Variants in AGBL4 observed in about 807,000 individuals in gnomAD.
The protein encoded by AGBL4 is cytosolic carboxypeptidase 6.
A neutral mutation model predicts 66.4 loss-of-function variants in AGBL4; 58 were observed. The ratio of observed to expected loss-of-function variants is 0.87; its 90% confidence interval spans 0.71 to 1.09. AGBL4 has a LOEUF of 1.09. AGBL4 is among the 50% of genes least tolerant of loss of function. The pLI, the probability that AGBL4 is intolerant of heterozygous loss-of-function variation, is 0.00. For synonymous variants in AGBL4, 234 were observed against 222.9 expected, an observed-to-expected ratio of 1.05 and a Z score of -0.44; for missense variants, 579 against 631.0, an observed-to-expected ratio of 0.92 and a Z score of 0.88.
At position 48,852,015 on chromosome 1, in the gene AGBL4, CTTTTTT is replaced by C. The variant is rs138826187; in HGVS notation, c.634+15170_634+15175del. On this transcript the variant is annotated intron_variant, in intron 6 of 13. Coordinates refer to ENST00000371839, the MANE Select transcript of AGBL4 (RefSeq NM_032785.4). Reference sequence around the variant, plus strand: ...GGTTCTGGTATGTGCCAGATACGTACTTTTTTTTTTTTTTTTTTTTTTTTCAGATAC... The same window carrying C: ...GGTTCTGGTATGTGCCAGATACGTACTTTTTTTTTTTTTTTTTTCAGATAC... Among the ~76,000 whole-genome samples the C allele has an allele frequency of 3.8e-3, 271 of 71,938 alleles. 3 individuals are homozygous for C. The highest frequency in any genetic ancestry group is 8.6e-3 in the African/African-American group (171 of 19,840). 47.2% of individuals were successfully genotyped at this position (71,938 alleles called of 152,430 possible).
chr1:49,571,594 A>C (rs1644332493), intron 3 of AGBL4, among the ~76,000 whole-genome samples: 1 of 151,926 alleles, frequency 6.6e-6, no homozygotes, highest in South Asian at 2.1e-4. Context: ...CCCTGGGAGG[A>C]CTTTCAGAAG....
At chr1:49,242,590 A>G (rs972128857) in intron 4 of AGBL4, among the ~76,000 whole-genome samples, 1 of 152,006 alleles carries the variant, frequency 6.6e-6, no homozygotes, top group African/African-American at 2.4e-5. Flanking sequence ...ACGGTTAAGA[A>G]ATATTAATGA....
intron 1 of AGBL4, among the ~76,000 whole-genome samples, chr1:49,870,546 G>A (rs989004732): frequency 1.3e-5 from 2 of 148,872 alleles, no homozygotes; most frequent in East Asian, 2.0e-4. Flanking sequence ...AACATCTCGT[G>A]TGCCCCCATA....
intron 6 of AGBL4, among the ~76,000 whole-genome samples, chr1:48,681,453 A>C (rs1186894624): frequency 6.6e-6 from 1 of 152,136 alleles, no homozygotes; most frequent in Non-Finnish European, 1.5e-5. Flanking sequence ...GCTCCTGCCC[A>C]TCAGGGAGGA....
At chr1:48,793,709 A>C (rs563356826) in intron 6 of AGBL4, among the ~76,000 whole-genome samples, 53 of 152,336 alleles carry the variant, frequency 3.5e-4, no homozygotes, top group Admixed American at 3.0e-3. Context: ...GGAGCTTATA[A>C]AGGGGAATGA....
chr1:48,861,999 C>T (rs1232360682), intron 6 of AGBL4, among the ~76,000 whole-genome samples: 1 of 152,190 alleles, frequency 6.6e-6, no homozygotes, highest in Admixed American at 6.5e-5. Context: ...TTTACCACCC[C>T]TTCACCAGAC....
intron 3 of AGBL4, among the ~76,000 whole-genome samples, chr1:49,687,782 T>TA (rs953074081): frequency 1.1e-3 from 163 of 148,342 alleles, no homozygotes; most frequent in African/African-American, 1.5e-3. Flanking sequence ...CTAAAAAAAA[T>TA]AAAAAAAAAA....
rs1663090641 is a variant in AGBL4, at chr1:49,019,656, CTT to C, written c.594+25926_594+25927del. ...GTCTTCAGGATAACAAAAACAAACA[CTT>C]TGCATTTGTGTAGCTGTTTAGAAAT... On this transcript the variant is annotated intron_variant, in intron 5 of 13. Coordinates refer to ENST00000371839, the MANE Select transcript of AGBL4 (RefSeq NM_032785.4). Among the ~76,000 whole-genome samples the C allele has an allele frequency of 2.0e-5, 3 of 152,162 alleles. No individual in the cohort carries two copies. The East Asian group carries it at 5.8e-4, about 29-fold the overall frequency.
intron 4 of AGBL4, among the ~76,000 whole-genome samples, chr1:49,219,378 T>C (rs1570109762): frequency 6.6e-6 from 1 of 152,198 alleles, no homozygotes; most frequent in East Asian, 1.9e-4. Context: ...TTTCTCCTTT[T>C]ATAATACAAT....
intron 2 of AGBL4, among the ~76,000 whole-genome samples, chr1:49,776,364 C>G (rs1307642673): frequency 6.6e-6 from 1 of 152,054 alleles, no homozygotes; most frequent in African/African-American, 2.4e-5. Flanking sequence ...AATAACTTCT[C>G]AAAATGTAAA....
intron 5 of AGBL4, among the ~76,000 whole-genome samples, chr1:48,964,145 G>C (rs1351829677): frequency 2.6e-5 from 4 of 152,152 alleles, no homozygotes; most frequent in African/African-American, 9.7e-5. Context: ...AGTTCTATCT[G>C]GGAAGGATTG....
chr1:49,489,482 T>G (rs191877561), intron 3 of AGBL4, among the ~76,000 whole-genome samples: 2 of 151,830 alleles, frequency 1.3e-5, no homozygotes, highest in African/African-American at 4.8e-5. Flanking sequence ...CATTCTGTGG[T>G]TTCCCTCTCC....
the AGBL4 span, among the ~76,000 whole-genome samples, chr1:48,526,770 T>C: frequency 6.6e-6 from 1 of 151,780 alleles, no homozygotes; most frequent in Admixed American, 6.5e-5. Flanking sequence ...GAAGTAGTAG[T>C]TATAACCACA....
At chr1:49,011,941 T>G (rs1662460144) in intron 5 of AGBL4, among the ~76,000 whole-genome samples, 2 of 150,658 alleles carry the variant, frequency 1.3e-5, no homozygotes, top group African/African-American at 4.9e-5. Context: ...AGATGACAAG[T>G]TAGTGGGTGC....
In AGBL4 at chr1:49,045,599, C is replaced by A; in HGVS notation, c.579G>T (p.Gln193His). 1 of 1,604,536 alleles carries A rather than the reference C, an allele frequency of 6.2e-7. No homozygotes were observed. The highest frequency in any genetic ancestry group is 8.5e-7 in the Non-Finnish European group (1 of 1,175,342). ...KRNMDYFFRE[Q>H]LGQSVQQRKL... ...CAGGCCTTACCACACTCTGGCCCAG[C>A]TGCTCCCGAAAGAAGTAATCCATGT... The change falls in exon 5 of 14, where the codon CAG (glutamine) becomes CAT (histidine). Residue 193 changes from glutamine to histidine, a missense_variant. Physicochemically the swap from Gln to His is conservative, Grantham distance 24 (BLOSUM62 0). Coordinates refer to ENST00000371839, the MANE Select transcript of AGBL4 (RefSeq NM_032785.4).
At chr1:49,378,556 T>C (rs530942363) in intron 3 of AGBL4, among the ~76,000 whole-genome samples, 18 of 152,030 alleles carry the variant, frequency 1.2e-4, no homozygotes, top group African/African-American at 4.1e-4. Context: ...GTTTGGGTCA[T>C]TTGGCAAGAA....
chr1:49,130,430 G>A (rs1299714972), intron 4 of AGBL4, among the ~76,000 whole-genome samples: 1 of 152,100 alleles, frequency 6.6e-6, no homozygotes, highest in Non-Finnish European at 1.5e-5. Context: ...TTTCTTCTAA[G>A]GTTTTTATGG....
chr1:48,547,380 T>G (rs1387289383), intron 11 of AGBL4, among the ~76,000 whole-genome samples: 1 of 152,072 alleles, frequency 6.6e-6, no homozygotes, highest in East Asian at 1.9e-4. Context: ...AAACAGGACC[T>G]GCTTCCAAGT....
chr1:48,620,231 T>C (rs552876004), intron 9 of AGBL4, among the ~76,000 whole-genome samples: 10 of 152,194 alleles, frequency 6.6e-5, no homozygotes, highest in Non-Finnish European at 1.5e-4. Context: ...TTTGAGCTAA[T>C]GGCTCAAACT....
Sources: allele counts gnomAD v4.1 joint callset (sites outside exome capture counted in the v4.1 genomes callset), GRCh38; gene constraint gnomAD v4.1.1; transcripts MANE v1.5; gene names NCBI Gene and HGNC (gene_info 2026-07-23, HGNC 2026-07-21).